Variants in CGNL1 observed in about 807,000 individuals in gnomAD.
The protein encoded by CGNL1 is cingulin like 1.
A neutral mutation model predicts 141.2 loss-of-function variants in CGNL1; 132 were observed. The ratio of observed to expected loss-of-function variants is 0.93; its 90% confidence interval spans 0.81 to 1.08. The LOEUF (loss-of-function observed/expected upper bound fraction) is 1.08. Among genes scored for constraint, CGNL1 ranks in the 50% least tolerant of loss-of-function variants. The pLI is 0.00. For missense variants in CGNL1, 1,870 were observed against 1,588.6 expected (o/e 1.18, Z -3.01); for synonymous variants, 690 against 622.1 (o/e 1.11, Z -1.63).
In CGNL1 at chr15:57,475,517, GTGTGTGTGTGTGTGTGTGTTTTC is replaced by G. The variant is rs1356919807; in HGVS notation, c.2403+13627_2403+13649del. ...GGTGTGTGTGTGTGTGTGTGTGTGTGTGTGTGTGTGTGTGTGTGTTTTCTTTTCTTCTCTTTTTACATAAATGC... is the reference window on the plus strand; with the variant it reads ...GGTGTGTGTGTGTGTGTGTGTGTGTGTTTTCTTCTCTTTTTACATAAATGC... On this transcript the variant is annotated intron_variant, in intron 8 of 18. Coordinates refer to ENST00000281282, the MANE Select transcript of CGNL1 (RefSeq NM_032866.5). Among the ~76,000 whole-genome samples the G allele has an allele frequency of 4.0e-5, 6 of 151,702 alleles. No individual in the cohort carries two copies. The South Asian group carries it at 1.3e-3, about 32-fold the overall frequency.
At chr15:57,404,602 C>G (rs1436317830) in intron 1 of CGNL1, among the ~76,000 whole-genome samples, 1 of 152,096 alleles carries the variant, frequency 6.6e-6, no homozygotes, top group Non-Finnish European at 1.5e-5. Context: ...CTGTGGGTTC[C>G]CAGAGAGCCC....
intron 1 of CGNL1, among the ~76,000 whole-genome samples, chr15:57,419,092 C>T (rs527820227): frequency 6.6e-6 from 1 of 152,194 alleles, no homozygotes; most frequent in Non-Finnish European, 1.5e-5. Flanking sequence ...CCACCACGCC[C>T]GGCTAATTTT....
intron 1 of CGNL1, among the ~76,000 whole-genome samples, chr15:57,386,008 C>T (rs185488861): frequency 4.6e-5 from 7 of 152,314 alleles, no homozygotes; most frequent in Non-Finnish European, 8.8e-5. Context: ...GACAAAGATC[C>T]CTCCTTTCTT....
intron 14 of CGNL1, among the ~76,000 whole-genome samples, chr15:57,538,424 A>T (rs1282942532): frequency 6.6e-6 from 1 of 152,158 alleles, no homozygotes; most frequent in African/African-American, 2.4e-5. Context: ...TTCCATTTTA[A>T]TAGCCATCTT....
At chr15:57,538,804 C>G (rs1425711623) in intron 14 of CGNL1, among the ~76,000 whole-genome samples, 4 of 152,238 alleles carry the variant, frequency 2.6e-5, no homozygotes, top group African/African-American at 9.6e-5. Context: ...CTGGGCTCCA[C>G]AGTCCCGGTC....
At chr15:57,456,804 G>A (rs1191657861) in intron 7 of CGNL1, among the ~76,000 whole-genome samples, 43 of 152,316 alleles carry the variant, frequency 2.8e-4, no homozygotes, top group Non-Finnish European at 1.2e-4. Context: ...ATGGGAGCCT[G>A]CGGTGCTGAG....
intron 14 of CGNL1, among the ~76,000 whole-genome samples, chr15:57,533,497 G>GA (rs2140187811): frequency 1.3e-5 from 2 of 152,316 alleles, no homozygotes; most frequent in East Asian, 3.9e-4. Flanking sequence ...AATGACAAAG[G>GA]ATGTGACCAT....
At chr15:57,516,069 G>C (rs2030757653) in intron 8 of CGNL1, among the ~76,000 whole-genome samples, 1 of 147,012 alleles carries the variant, frequency 6.8e-6, no homozygotes. Flanking sequence ...TGAAGCAGGA[G>C]AATGGTGTGA....
At chr15:57,417,092 G>T (rs1305212521) in intron 1 of CGNL1, among the ~76,000 whole-genome samples, 2 of 152,178 alleles carry the variant, frequency 1.3e-5, no homozygotes, top group African/African-American at 4.8e-5. Context: ...TGGCGGGGTT[G>T]CTGAACAGTG....
At chr15:57,526,235 T>C (rs1241844929) in intron 12 of CGNL1, among the ~76,000 whole-genome samples, 1 of 152,170 alleles carries the variant, frequency 6.6e-6, no homozygotes, top group Non-Finnish European at 1.5e-5. Context: ...TCCTGGATTT[T>C]TCTCACTGAT....
Position 57,531,773 on chromosome 15 carries a change from G to T in CGNL1, c.3285G>T (p.Arg1095Ser). The change falls in exon 14 of 19, where the codon AGG becomes AGT. Residue 1095 changes from arginine to serine, a missense_variant. Transcript: ENST00000281282. ...TGTCTGAGAGGATCAGTAGGAGCAGGGAACAGGTACTATTCTATAGGTGAA... is the reference window on the plus strand; with the variant it reads ...TGTCTGAGAGGATCAGTAGGAGCAGTGAACAGGTACTATTCTATAGGTGAA... ...DLLSERISRS[R>S]EQMEQLRNEL... 1 of 1,596,348 alleles carries T rather than the reference G, an allele frequency of 6.3e-7. No homozygotes were observed. The highest frequency in any genetic ancestry group is 1.1e-5 in the South Asian group (1 of 90,642).
At chr15:57,513,253 GGTGTGTGTGTGTGTGTGT>G in intron 8 of CGNL1, among the ~76,000 whole-genome samples, 1 of 134,000 alleles carries the variant, frequency 7.5e-6, no homozygotes, top group African/African-American at 2.8e-5. Context: ...TGTCAATATG[GGTGTGTGTGTGTGTGTGT>G]GTGTGTGTGT....
At chr15:57,544,384 A>G in intron 15 of CGNL1, 89 bp from the exon 16 acceptor site, 1 of 1,515,748 alleles carries the variant, frequency 6.6e-7, no homozygotes, top group Non-Finnish European at 9.0e-7. Context: ...TGCAGCGACC[A>G]AACACCAGGT....
intron 4 of CGNL1, among the ~76,000 whole-genome samples, chr15:57,447,960 G>A (rs2063277211): frequency 6.6e-6 from 1 of 152,034 alleles, no homozygotes; most frequent in South Asian, 2.1e-4. Flanking sequence ...CTTTTAAGAT[G>A]TCTTTAAAAG....
chr15:57,453,575 C>T, intron 6 of CGNL1, 108 bp from the exon 7 acceptor site: 1 of 1,419,822 alleles, frequency 7.0e-7, no homozygotes, highest in Non-Finnish European at 9.5e-7. Flanking sequence ...TGGGGAGGCT[C>T]CTTGGGGCTT....
chr15:57,457,143 G>A (rs1330681745), intron 7 of CGNL1, among the ~76,000 whole-genome samples: 1 of 152,178 alleles, frequency 6.6e-6, no homozygotes. Flanking sequence ...GTGAGCATGG[G>A]CCAGAGATAG....
At chr15:57,390,603 G>A (rs2062531874) in intron 1 of CGNL1, among the ~76,000 whole-genome samples, 1 of 152,168 alleles carries the variant, frequency 6.6e-6, no homozygotes, top group African/African-American at 2.4e-5. Context: ...GAAGAGAGCA[G>A]TTTGGGCCAA....
intron 8 of CGNL1, among the ~76,000 whole-genome samples, chr15:57,487,997 G>C (rs1351583503): frequency 1.3e-5 from 2 of 152,172 alleles, no homozygotes; most frequent in Non-Finnish European, 2.9e-5. Flanking sequence ...CAAAGTGACA[G>C]AACCATTTCT....
At chr15:57,396,607 G>A (rs186168069) in intron 1 of CGNL1, among the ~76,000 whole-genome samples, 78 of 152,218 alleles carry the variant, frequency 5.1e-4, no homozygotes, top group Admixed American at 1.1e-3. Flanking sequence ...ATTTGTATAC[G>A]TATACGGCTC....
Sources: allele counts gnomAD v4.1 joint callset (sites outside exome capture counted in the v4.1 genomes callset), GRCh38; gene constraint gnomAD v4.1.1; transcripts MANE v1.5; gene names NCBI Gene and HGNC (gene_info 2026-07-23, HGNC 2026-07-21).